WDR47: variants seen among roughly 807,000 people sequenced by gnomAD.
The protein encoded by WDR47 is WD repeat-containing protein 47.
Under a neutral mutation model 97.2 loss-of-function variants are expected in WDR47, and 32 were observed. The observed-to-expected ratio is 0.33, with a 90% CI of 0.25 to 0.44. The LOEUF (loss-of-function observed/expected upper bound fraction) is 0.44. WDR47 is among the 20% of genes least tolerant of loss of function. The pLI, the probability that WDR47 is intolerant of heterozygous loss-of-function variation, is 1.00. For missense variants in WDR47, 782 were observed against 1,102.3 expected (o/e 0.71, Z 4.11); for synonymous variants, 375 against 373.5 (o/e 1.00, Z -0.05).
In WDR47 at chr1:109,010,990, C is replaced by T; in HGVS notation, c.1056G>A (p.Gly352=). ...TGAGACTTCTACTGAGGTTTTGTACCCCTGGATAATGGAAGTTAGCAAAGG... is the reference window on the plus strand; with the variant it reads ...TGAGACTTCTACTGAGGTTTTGTACTCCTGGATAATGGAAGTTAGCAAAGG... The part of the protein sequence containing the change: ...SHSFANFHYP[G]VQNLSRSLML... Residue 352 remains glycine, a synonymous_variant, in exon 5 of 15, where the codon GGG becomes GGA. Transcript: ENST00000369962. 6.2e-7 allele frequency: 1 copy of T among 1,613,946 alleles called. No individual in the cohort carries two copies. Among genetic ancestry groups the T allele is most frequent in the South Asian group, 1.1e-5 (1 of 91,078 alleles).
intron 3 of WDR47, among the ~76,000 whole-genome samples, chr1:109,015,836 A>G (rs373678928): frequency 1.3e-5 from 2 of 151,638 alleles, no homozygotes; most frequent in African/African-American, 4.8e-5. Context: ...TACAAAAATT[A>G]GCTAGGCACA....
intron 2 of WDR47, among the ~76,000 whole-genome samples, chr1:109,018,217 G>A (rs11102805): frequency 0.026 from 3,935 of 151,906 alleles, 150 homozygotes; most frequent in African/African-American, 0.089. Flanking sequence ...GGGAGGCCAA[G>A]GTGGGCAGAT....
chr1:109,012,641 C>T (rs1434550351), intron 4 of WDR47, among the ~76,000 whole-genome samples: 1 of 148,958 alleles, frequency 6.7e-6, no homozygotes, highest in Non-Finnish European at 1.5e-5. Flanking sequence ...CCAGACAGAC[C>T]AAAATGGAAG....
intron 1 of WDR47, among the ~76,000 whole-genome samples, chr1:109,029,646 T>G (rs979956373): frequency 6.6e-6 from 1 of 150,938 alleles, no homozygotes; most frequent in Admixed American, 6.6e-5. Context: ...TACTCCAGCC[T>G]GGGTGACAGA....
intron 1 of WDR47, among the ~76,000 whole-genome samples, chr1:109,038,276 T>C (rs1420653492): frequency 6.6e-6 from 1 of 152,200 alleles, no homozygotes; most frequent in African/African-American, 2.4e-5. Flanking sequence ...GTAAGGACAA[T>C]GTGTCAAAAG....
At chr1:109,018,344 A>T (rs532574145) in intron 2 of WDR47, among the ~76,000 whole-genome samples, 1 of 151,466 alleles carries the variant, frequency 6.6e-6, no homozygotes, top group East Asian at 2.0e-4. Flanking sequence ...AGCTACTGGC[A>T]GGAGAAGCTT....
At chr1:108,986,783 G>T (rs1175534222) in intron 9 of WDR47, 103 bp from the exon 10 acceptor site, 1 of 1,025,682 alleles carries the variant, frequency 9.7e-7, no homozygotes, top group Non-Finnish European at 1.4e-6. Flanking sequence ...ATTCTTGTTG[G>T]ATCATGTTAG....
Position 109,010,966 on chromosome 1 carries a change from GA to G in WDR47, c.1079del (p.Leu360ProfsTer81), listed in dbSNP as rs1660998330. The G allele has an allele frequency of 1.2e-6, 2 of 1,614,056 alleles. No individual in the cohort carries two copies. Among genetic ancestry groups the G allele is most frequent in the Non-Finnish European group, 1.7e-6 (2 of 1,180,004 alleles). ...TGTGACATTCTGTATTCTCAAGCAT[GA>G]GACTTCTACTGAGGTTTTGTACCCC... ...YPGVQNLSRS[L>X]MLENTECHSI... On this transcript the variant is annotated frameshift_variant, in exon 5 of 15. Transcript: ENST00000369962. LOFTEE classifies it high-confidence loss of function.
chr1:109,016,915 CTCAG>C (rs1661460923), intron 3 of WDR47, among the ~76,000 whole-genome samples: 1 of 152,062 alleles, frequency 6.6e-6, no homozygotes, highest in Non-Finnish European at 1.5e-5. Flanking sequence ...AGCAGCTACT[CTCAG>C]TATGTTGAAG....
intron 2 of WDR47, among the ~76,000 whole-genome samples, chr1:109,018,834 G>T (rs750855105): frequency 5.7e-4 from 87 of 151,568 alleles, no homozygotes; most frequent in Non-Finnish European, 1.1e-3. Flanking sequence ...ACACAAAAAA[G>T]AAAGAACAGG....
intron 1 of WDR47, among the ~76,000 whole-genome samples, chr1:109,039,826 A>G (rs1385116231): frequency 6.6e-6 from 1 of 151,864 alleles, no homozygotes; most frequent in Non-Finnish European, 1.5e-5. Context: ...ACCTGAGGCT[A>G]GGAGTTCGAG....
chr1:109,019,584 T>C (rs531614839), intron 2 of WDR47, among the ~76,000 whole-genome samples: 1 of 152,120 alleles, frequency 6.6e-6, no homozygotes, highest in South Asian at 2.1e-4. Context: ...TCTACTGGGA[T>C]CTAGTTGGGG....
intron 13 of WDR47, among the ~76,000 whole-genome samples, chr1:108,979,524 C>A (rs1311569525): frequency 2.2e-5 from 3 of 137,364 alleles, no homozygotes; most frequent in Non-Finnish European, 4.8e-5. Flanking sequence ...GACCCTGTCT[C>A]AGAACAAAAC....
chr1:108,986,004 GA>G (rs1046379789), intron 10 of WDR47, among the ~76,000 whole-genome samples: 1 of 147,406 alleles, frequency 6.8e-6, no homozygotes, highest in Non-Finnish European at 1.5e-5. Context: ...GCAAATAAAT[GA>G]AAAATCCCAC....
At chr1:108,995,121 A>C (rs1659652070) in intron 8 of WDR47, among the ~76,000 whole-genome samples, 1 of 152,216 alleles carries the variant, frequency 6.6e-6, no homozygotes. Context: ...ATTTTCCCTG[A>C]ATAGTGAAAA....
chr1:109,041,915 G>C lies in WDR47; in HGVS notation c.-63C>G, dbSNP rs1663398788. On this transcript the variant is annotated 5_prime_UTR_variant, in exon 1 of 15. Coordinates refer to ENST00000369962, the MANE Select transcript of WDR47 (RefSeq NM_001142551.2). ...GCGGCGGAGGAGAACGCGGCTGGGA[G>C]GCCGGCGGCCAGGGCCCCGAAGCGG... The C allele has an allele frequency of 6.5e-6, 1 of 152,742 alleles. No homozygotes were observed. The highest frequency in any genetic ancestry group is 2.4e-5 in the African/African-American group (1 of 41,596). 9.5% of individuals were successfully genotyped at this position (152,742 alleles called of 1,614,324 possible). A position where few individuals can be genotyped will look rare whatever the true frequency, so the allele number is the denominator to read the frequency against.
In WDR47 at chr1:109,016,765, A is replaced by G. The variant is rs1661448689; in HGVS notation, c.242+753T>C. Among the ~76,000 whole-genome samples the G allele has an allele frequency of 2.6e-5, 4 of 151,942 alleles. No individual in the cohort carries two copies. In the South Asian group the frequency reaches 6.2e-4, roughly 24 times the overall value. On this transcript the variant is annotated intron_variant, in intron 3 of 14. Coordinates refer to ENST00000369962, the MANE Select transcript of WDR47 (RefSeq NM_001142551.2). Reference sequence around the variant, plus strand: ...AGTGAAGCTGAAATGTGCAGATTACATTTACAAAATAATTAGATATAGTTA... The same window carrying G: ...AGTGAAGCTGAAATGTGCAGATTACGTTTACAAAATAATTAGATATAGTTA...
intron 8 of WDR47, among the ~76,000 whole-genome samples, chr1:108,994,427 T>C (rs1283817152): frequency 6.6e-6 from 1 of 151,898 alleles, no homozygotes; most frequent in Admixed American, 6.6e-5. Context: ...GTAATAGAAG[T>C]ATGTTTTTCA....
chr1:108,986,536 C>T lies in WDR47; in HGVS notation c.1912G>A (p.Val638Ile), dbSNP rs971638162. Residue 638 changes from valine to isoleucine, a missense_variant, in exon 10 of 15, where the codon GTA becomes ATA. Physicochemically the swap from Val to Ile is conservative, Grantham distance 29. Transcript: ENST00000369962. ...KTLRVCAYPD[V>I]IDPSAHETPK... ...ATTGATCCTTACCTTGGATCAATTA[C>T]ATCTGGATAGGCACATACTCTCAGA... is the stretch of plus-strand genomic sequence containing the variant. 6.2e-7 allele frequency: 1 copy of T among 1,609,870 alleles called. No individual in the cohort carries two copies. The highest frequency in any genetic ancestry group is 8.5e-7 in the Non-Finnish European group (1 of 1,178,010).
Sources: gnomAD v4.1 joint callset for allele counts (sites outside exome capture counted in the v4.1 genomes callset) on GRCh38, gnomAD v4.1.1 for gene constraint, MANE v1.5 for transcripts, NCBI Gene and HGNC (gene_info 2026-07-23, HGNC 2026-07-21) for gene names.